Variants in PTPRD observed in about 807,000 individuals in gnomAD.
The protein encoded by PTPRD is receptor-type tyrosine-protein phosphatase delta.
Under a neutral mutation model 214.5 loss-of-function variants are expected in PTPRD, and 34 were observed. That is an observed-to-expected ratio of 0.16 (90% CI 0.12 to 0.21). The LOEUF is 0.21. PTPRD is among the 10% of genes least tolerant of loss of function. PTPRD has a pLI of 1.00. For synonymous variants in PTPRD, 1,128 were observed against 845.7 expected, an observed-to-expected ratio of 1.33 and a Z score of -5.79; for missense variants, 2,545 against 2,398.7, an observed-to-expected ratio of 1.06 and a Z score of -1.27.
rs111875909 is a variant in PTPRD, at chr9:8,814,220, A to G, written c.-103-80274T>C. Among the ~76,000 whole-genome samples the G allele has an allele frequency of 8.7e-4, 133 of 152,222 alleles. 1 individual carries two copies. The highest frequency in any genetic ancestry group is 2.0e-3 in the Admixed American group (31 of 15,280). On this transcript the variant is annotated intron_variant, in intron 11 of 45. Coordinates refer to ENST00000381196, the MANE Select transcript of PTPRD (RefSeq NM_002839.4). ...ACTCAAAAGTTAATGCCCTCCCTAT[A>G]GCCAGAAAGTCAAGGCTAAAAGTAA...
intron 11 of PTPRD, among the ~76,000 whole-genome samples, chr9:8,833,371 T>C (rs2097338205): frequency 6.6e-6 from 1 of 152,024 alleles, no homozygotes. Flanking sequence ...GGCAGAGAAA[T>C]GAGAAAGAAT....
intron 3 of PTPRD, among the ~76,000 whole-genome samples, chr9:10,216,323 T>A (rs1049366253): frequency 6.6e-6 from 1 of 151,910 alleles, no homozygotes; most frequent in African/African-American, 2.4e-5. Flanking sequence ...TTAGAGAGCT[T>A]CAAAAATATT....
chr9:8,636,807 T>G lies in PTPRD; in HGVS notation c.102A>C (p.Thr34=). The G allele has an allele frequency of 3.7e-6, 6 of 1,614,078 alleles. No homozygotes were observed. Among genetic ancestry groups the G allele is most frequent in the Non-Finnish European group, 5.1e-6 (6 of 1,179,960 alleles). ...PRFTRTPVDQ[T]GVSGGVASFI... ...AAGAGGCAACTCCGCCAGAGACCCC[T>G]GTCTGATCAACGGGTGTTCGTGTAA... Residue 34 remains threonine (T), a synonymous_variant, in exon 13 of 46, where the codon ACA becomes ACC. Coordinates refer to ENST00000381196, the MANE Select transcript of PTPRD (RefSeq NM_002839.4).
At chr9:10,151,634 A>AT (rs2099062020) in intron 3 of PTPRD, among the ~76,000 whole-genome samples, 1 of 152,128 alleles carries the variant, frequency 6.6e-6, no homozygotes, top group African/African-American at 2.4e-5. Flanking sequence ...TATTTTTAGC[A>AT]TAAAATACTG....
intron 7 of PTPRD, among the ~76,000 whole-genome samples, chr9:9,716,305 A>G (rs969584859): frequency 6.6e-6 from 1 of 151,852 alleles, no homozygotes; most frequent in African/African-American, 2.4e-5. Context: ...ATAGTGCTGT[A>G]ATAAACATAC....
At chr9:8,642,935 G>A (rs999762820) in intron 12 of PTPRD, among the ~76,000 whole-genome samples, 19 of 152,130 alleles carry the variant, frequency 1.2e-4, no homozygotes, top group Admixed American at 1.2e-3. Context: ...CATTGCTTAG[G>A]AGGGCAAAAG....
At chr9:8,542,531 T>C (rs1210335702) in intron 14 of PTPRD, among the ~76,000 whole-genome samples, 1 of 152,248 alleles carries the variant, frequency 6.6e-6, no homozygotes, top group Non-Finnish European at 1.5e-5. Flanking sequence ...TTATGATTGT[T>C]TGCATATGTT....
chr9:9,946,708 A>G (rs1252703805), intron 4 of PTPRD, among the ~76,000 whole-genome samples: 2 of 152,126 alleles, frequency 1.3e-5, no homozygotes, highest in East Asian at 1.9e-4. Context: ...ACTATCTCGC[A>G]CAATACAGAG....
At chr9:10,393,298 T>C (rs1021288916) in intron 2 of PTPRD, among the ~76,000 whole-genome samples, 4 of 151,714 alleles carry the variant, frequency 2.6e-5, no homozygotes, top group African/African-American at 9.7e-5. Context: ...TGTGTGTGTG[T>C]GTGTGTTTGT....
At chr9:10,059,230 A>G (rs772848399) in intron 3 of PTPRD, among the ~76,000 whole-genome samples, 7 of 152,118 alleles carry the variant, frequency 4.6e-5, no homozygotes, top group Non-Finnish European at 8.8e-5. Context: ...TAGTTTAGAC[A>G]TGTTCTTCAC....
chr9:9,644,816 G>C (rs921178992), intron 7 of PTPRD, among the ~76,000 whole-genome samples: 1 of 152,154 alleles, frequency 6.6e-6, no homozygotes, highest in Non-Finnish European at 1.5e-5. Context: ...GGAGAGAAGA[G>C]AAGAAGCATC....
chr9:9,677,007 C>T (rs202099184), intron 7 of PTPRD, among the ~76,000 whole-genome samples: 36 of 151,884 alleles, frequency 2.4e-4, no homozygotes, highest in African/African-American at 8.7e-4. Context: ...GTTTGAGTTC[C>T]TTGTAGATTC....
intron 11 of PTPRD, among the ~76,000 whole-genome samples, chr9:9,014,929 T>G (rs2099528168): frequency 6.6e-6 from 1 of 152,152 alleles, no homozygotes; most frequent in African/African-American, 2.4e-5. Context: ...TGCTATATTC[T>G]GTGTATACAT....
intron 4 of PTPRD, among the ~76,000 whole-genome samples, chr9:10,032,166 T>C (rs1272438573): frequency 6.6e-6 from 1 of 152,132 alleles, no homozygotes; most frequent in Non-Finnish European, 1.5e-5. Context: ...AAAACAACTG[T>C]TTTATAGAAT....
chr9:10,032,463 C>G (rs903281337), intron 4 of PTPRD, among the ~76,000 whole-genome samples: 5 of 152,106 alleles, frequency 3.3e-5, no homozygotes. Flanking sequence ...ATAACTACCT[C>G]CCTGAAATTC....
intron 7 of PTPRD, among the ~76,000 whole-genome samples, chr9:9,665,865 A>G (rs969375824): frequency 6.6e-6 from 1 of 151,918 alleles, no homozygotes; most frequent in Non-Finnish European, 1.5e-5. Context: ...TTAATTGGTA[A>G]TTTGATTGAA....
chr9:8,786,033 TTGTG>T lies in PTPRD; in HGVS notation c.-103-52091_-103-52088del, dbSNP rs34200290. Reference sequence around the variant, plus strand: ...GCAGTCTGAGAAGCCGCTTAATTTGTTGTGTGTGTGTGTGTGTGTGTGTGTGTGT... The same window carrying T: ...GCAGTCTGAGAAGCCGCTTAATTTGTTGTGTGTGTGTGTGTGTGTGTGTGT... On this transcript the variant is annotated intron_variant, in intron 11 of 45. Transcript: ENST00000381196. Among the ~76,000 whole-genome samples, 851 of 143,250 alleles carry T rather than the reference TTGTG, an allele frequency of 5.9e-3. 8 individuals carry two copies. Among genetic ancestry groups the T allele is most frequent in the African/African-American group, 0.019 (697 of 37,276 alleles). The allele number at this position is 143,250 out of a possible 152,430, so 94.0% of individuals were successfully genotyped here. A position where few individuals can be genotyped will look rare whatever the true frequency, so the allele number is the denominator to read the frequency against.
At chr9:9,753,815 T>G (rs1289300122) in intron 6 of PTPRD, among the ~76,000 whole-genome samples, 1 of 152,008 alleles carries the variant, frequency 6.6e-6, no homozygotes, top group East Asian at 1.9e-4. Flanking sequence ...TGCATTATGT[T>G]TAGGGTTTAG....
intron 8 of PTPRD, among the ~76,000 whole-genome samples, chr9:9,480,300 C>G (rs1030188653): frequency 6.6e-6 from 1 of 152,060 alleles, no homozygotes; most frequent in African/African-American, 2.4e-5. Context: ...AAGTTAAGTT[C>G]GGCTTGAGAC....
Sources: allele counts gnomAD v4.1 joint callset (sites outside exome capture counted in the v4.1 genomes callset), GRCh38; gene constraint gnomAD v4.1.1; transcripts MANE v1.5; gene names NCBI Gene and HGNC (gene_info 2026-07-23, HGNC 2026-07-21).